ARL9: variants seen among roughly 807,000 people sequenced by gnomAD.
ARL9 encodes ADP-ribosylation factor-like protein 9.
Under a neutral mutation model 27.0 loss-of-function variants are expected in ARL9, and 14 were observed. The ratio of observed to expected loss-of-function variants is 0.52; its 90% confidence interval spans 0.34 to 0.81. ARL9 has a LOEUF of 0.81. Ranked by LOEUF, ARL9 falls within the 30% of genes least tolerant of loss-of-function variation. The pLI, the probability that ARL9 is intolerant of heterozygous loss-of-function variation, is 0.01. For synonymous variants in ARL9, 106 were observed against 108.7 expected (o/e 0.98, Z 0.15); for missense variants, 294 against 290.0 (o/e 1.01, Z -0.10).
In ARL9 at chr4:56,518,827, C is replaced by T. The variant is rs942334709; in HGVS notation, c.592C>T (p.Pro198Ser). 3 of 1,613,700 alleles carry T rather than the reference C, an allele frequency of 1.9e-6. No homozygotes were observed. The highest frequency in any genetic ancestry group is 2.7e-5 in the African/African-American group (2 of 74,918). Reference protein sequence around the residue: ...HQLIAANPVLPLVVFANKQDL... With the variant: ...HQLIAANPVLSLVVFANKQDL... Reference sequence around the variant, plus strand: ...GCTAATTGCAGCAAACCCAGTACTTCCTCTGGTTGTGTTTGCAAACAAACA... The same window carrying T: ...GCTAATTGCAGCAAACCCAGTACTTTCTCTGGTTGTGTTTGCAAACAAACA... The change falls in exon 3 of 4, where the codon CCT becomes TCT. Residue 198 changes from proline (P) to serine (S), a missense_variant. Physicochemically the swap from Pro to Ser is moderately conservative, Grantham distance 74 (BLOSUM62 -1). Coordinates refer to ENST00000640821, the MANE Select transcript of ARL9 (RefSeq NM_001363794.2).
chr4:56,522,731 C>T (rs567978408), intron 3 of ARL9, among the ~76,000 whole-genome samples: 2 of 152,262 alleles, frequency 1.3e-5, no homozygotes, highest in East Asian at 3.9e-4. Flanking sequence ...CCCTGGCATG[C>T]GGCCTAAGCA....
chr4:56,513,967 T>G (rs943915688), intron 2 of ARL9, among the ~76,000 whole-genome samples: 6 of 152,106 alleles, frequency 3.9e-5, no homozygotes, highest in Non-Finnish European at 7.4e-5. Context: ...TCCAGGAGTT[T>G]GAGAACAACC....
At chr4:56,522,744 GGCTT>G (rs1721960178) in intron 3 of ARL9, among the ~76,000 whole-genome samples, 1 of 152,124 alleles carries the variant, frequency 6.6e-6, no homozygotes, top group Non-Finnish European at 1.5e-5. Context: ...CCTAAGCACA[GGCTT>G]CCTGTCTTCC....
chr4:56,505,874 GA>G lies in ARL9; in HGVS notation c.15del (p.Val6Ter), dbSNP rs1235918359. The G allele has an allele frequency of 2.4e-6, 3 of 1,269,164 alleles. No individual in the cohort carries two copies. In the South Asian group the frequency reaches 9.4e-5, roughly 40 times the overall value. 78.6% of individuals were successfully genotyped at this position (1,269,164 alleles called of 1,614,324 possible). ...CCGCGGCGCTGGGGATGGAGAGGGG[GA>G]AAGTGAAGAAGAAAGAGAAGGAAAA... MERG[K>X]VKKKEKEKET... On this transcript the variant is annotated frameshift_variant, in exon 1 of 4. Coordinates refer to ENST00000640821, the MANE Select transcript of ARL9 (RefSeq NM_001363794.2). LOFTEE classifies it high-confidence loss of function.
chr4:56,518,613 C>T (rs924722304), intron 2 of ARL9, 65 bp from the exon 3 acceptor site: 2 of 1,435,084 alleles, frequency 1.4e-6, no homozygotes, highest in East Asian at 2.3e-5. Flanking sequence ...GCCCTCCCTG[C>T]TCCCTGGGTG....
Position 56,506,016 on chromosome 4 carries a change from GAGAA to G in ARL9, c.158_161del (p.Lys53ArgfsTer32), listed in dbSNP as rs1299142939. On this transcript the variant is annotated frameshift_variant, in exon 1 of 4. Transcript: ENST00000640821. LOFTEE classifies it high-confidence loss of function. The stretch of plus-strand genomic sequence containing the variant: ...GAAGCAGGAGAGGAGAAAGGGAAAA[GAGAA>G]AGAGGAAAAGAGGACAAAGCAAGGG... 6.3e-5 allele frequency: 76 copies of G among 1,215,268 alleles called. No individual in the cohort carries two copies. In the East Asian group the frequency reaches 7.6e-4, roughly 12 times the overall value. 75.3% of individuals were successfully genotyped at this position (1,215,268 alleles called of 1,614,324 possible). A position where few individuals can be genotyped will look rare whatever the true frequency, so the allele number is the denominator to read the frequency against.
intron 2 of ARL9, among the ~76,000 whole-genome samples, chr4:56,513,098 C>T (rs988942992): frequency 2.6e-5 from 4 of 152,178 alleles, no homozygotes; most frequent in South Asian, 2.1e-4. Flanking sequence ...CAGCAGTTTA[C>T]GCTTGCAATC....
intron 3 of ARL9, among the ~76,000 whole-genome samples, chr4:56,523,321 G>GGAGGTTGCGGTGAGTC (rs1178016656): frequency 4.6e-5 from 7 of 152,176 alleles, no homozygotes; most frequent in Non-Finnish European, 7.4e-5. Flanking sequence ...CGTGGGAGGC[G>GGAGGTTGCGGTGAGTC]GAGGTTGCGG....
chr4:56,524,093 GAAT>G lies in ARL9; in HGVS notation c.*223_*225del. On this transcript the variant is annotated 3_prime_UTR_variant, in exon 4 of 4. Coordinates refer to ENST00000640821, the MANE Select transcript of ARL9 (RefSeq NM_001363794.2). Reference sequence around the variant, plus strand: ...ACATTCAAAAAGTAAACCCACTGAAGAATAATAACACAACAATAAAAATAATAC... The same window carrying G: ...ACATTCAAAAAGTAAACCCACTGAAGAATAACACAACAATAAAAATAATAC... The G allele has an allele frequency of 2.3e-6, 1 of 441,814 alleles. No homozygotes were observed. Among genetic ancestry groups the G allele is most frequent in the Non-Finnish European group, 4.0e-6 (1 of 251,346 alleles). The allele number at this position is 441,814 out of a possible 1,614,324, so 27.4% of individuals were successfully genotyped here.
rs1051789984 is a variant in ARL9 at position 56,523,785 on chromosome 4, G to A, written c.707G>A (p.Gly236Glu). Residue 236 changes from glycine (G) to glutamate (E), a missense_variant, in exon 4 of 4, where the codon GGA (glycine) becomes GAA (glutamate). Gly to Glu is a moderately conservative substitution (Grantham distance 98). Coordinates refer to ENST00000640821, the MANE Select transcript of ARL9 (RefSeq NM_001363794.2). ...VGNDRKMFLF[G>E]TYLTKNGSEI... ...AATGACAGGAAGATGTTCTTGTTTG[G>A]AACCTACCTGACTAAGAATGGCTCA... 1.2e-6 allele frequency: 2 copies of A among 1,613,720 alleles called. No individual in the cohort carries two copies. Among genetic ancestry groups the A allele is most frequent in the African/African-American group, 1.3e-5 (1 of 74,892 alleles).
At chr4:56,519,824 G>C (rs1043664278) in intron 3 of ARL9, among the ~76,000 whole-genome samples, 8 of 151,974 alleles carry the variant, frequency 5.3e-5, no homozygotes, top group Non-Finnish European at 1.2e-4. Flanking sequence ...AAGATAAATG[G>C]ATATATAAAA....
intron 3 of ARL9, among the ~76,000 whole-genome samples, chr4:56,520,523 T>C (rs1259396744): frequency 6.6e-6 from 1 of 151,222 alleles, no homozygotes; most frequent in African/African-American, 2.4e-5. Flanking sequence ...TGTGTAGTTA[T>C]CGTTTAATGG....
chr4:56,519,248 T>C (rs1165051587), intron 3 of ARL9, among the ~76,000 whole-genome samples: 1 of 152,178 alleles, frequency 6.6e-6, no homozygotes, highest in Non-Finnish European at 1.5e-5. Context: ...TTGGAACCCT[T>C]GTGCACTGTT....
chr4:56,505,584 T>C, upstream of ARL9: 2 of 586,066 alleles, frequency 3.4e-6, no homozygotes, highest in Middle Eastern at 2.7e-4. Flanking sequence ...GGTTGGGACC[T>C]CTTGGTTTCG....
rs185207881 is a variant in ARL9 at position 56,519,588 on chromosome 4, C to T, written c.618+735C>T. Among the ~76,000 whole-genome samples, 295 of 151,368 alleles carry T rather than the reference C, an allele frequency of 1.9e-3. 5 individuals are homozygous for T. Among genetic ancestry groups the T allele is most frequent in the South Asian group, 3.8e-3 (18 of 4,784 alleles). On this transcript the variant is annotated intron_variant, in intron 3 of 3. Transcript: ENST00000640821. Reference sequence around the variant, plus strand: ...TCGCGCCACTGCACTCCAGCCTGGGCGACAGGCTCAAAAAAAAAATCAAAA... The same window carrying T: ...TCGCGCCACTGCACTCCAGCCTGGGTGACAGGCTCAAAAAAAAAATCAAAA...
At chr4:56,522,554 C>T (rs552186803) in intron 3 of ARL9, among the ~76,000 whole-genome samples, 13 of 152,082 alleles carry the variant, frequency 8.5e-5, no homozygotes, top group African/African-American at 3.1e-4. Flanking sequence ...ATTACAAATG[C>T]AATTTTAGAA....
chr4:56,524,053 A>C lies in ARL9; in HGVS notation c.*177A>C. Reference sequence around the variant, plus strand: ...TGGGTTCCACATCTGGGGATTCAAGAACTGTGGATCCAAAACATTCAAAAA... The same window carrying C: ...TGGGTTCCACATCTGGGGATTCAAGCACTGTGGATCCAAAACATTCAAAAA... On this transcript the variant is annotated 3_prime_UTR_variant, in exon 4 of 4. Transcript: ENST00000640821. 2.1e-6 allele frequency: 1 copy of C among 485,816 alleles called. No homozygotes were observed. The highest frequency in any genetic ancestry group is 3.5e-6 in the Non-Finnish European group (1 of 286,290). 30.1% of individuals were successfully genotyped at this position (485,816 alleles called of 1,614,324 possible).
intron 1 of ARL9, among the ~76,000 whole-genome samples, chr4:56,506,489 G>A (rs1399097093): frequency 6.6e-6 from 1 of 151,906 alleles, no homozygotes; most frequent in Non-Finnish European, 1.5e-5. Context: ...CAGACCACCT[G>A]ACCACATTTA....
chr4:56,506,605 G>A, intron 1 of ARL9: 1 of 985,340 alleles, frequency 1.0e-6, no homozygotes, highest in Non-Finnish European at 1.2e-6. Flanking sequence ...TGGGGACGCT[G>A]CAGTTGTTTT....
Sources: allele counts gnomAD v4.1 joint callset (sites outside exome capture counted in the v4.1 genomes callset), GRCh38; gene constraint gnomAD v4.1.1; transcripts MANE v1.5; gene names NCBI Gene and HGNC (gene_info 2026-07-23, HGNC 2026-07-21).